Variants in RSRP1 observed in about 807,000 individuals in gnomAD.
RSRP1 encodes arginine and serine rich protein 1, also known as arginine/serine-rich protein 1.
In RSRP1, 37 loss-of-function variants were observed where a neutral mutation model predicts 33.0. The ratio of observed to expected loss-of-function variants is 1.12; its 90% CI spans 0.86 to 1.48. RSRP1 has a LOEUF of 1.48. Ranked by LOEUF, RSRP1 falls within the 40% of genes most tolerant of loss-of-function variation. RSRP1 has a pLI of 0.00. For missense variants in RSRP1, 402 were observed against 385.3 expected (o/e 1.04, Z -0.36); for synonymous variants, 167 against 158.7 (o/e 1.05, Z -0.40).
At position 25,321,823 on chromosome 1, in the gene RSRP1, G is replaced by A. The variant is rs552572749; in HGVS notation, c.-67+16155C>T. Reference sequence around the variant, plus strand: ...CTGTCGTTTTGACACACAATATTTCGATTAATCTTGAGATTAAAAATCCTG... The same window carrying A: ...CTGTCGTTTTGACACACAATATTTCAATTAATCTTGAGATTAAAAATCCTG... On this transcript the variant is annotated intron_variant, in intron 1 of 1. Transcript: ENST00000561867. 1.8e-5 allele frequency: 15 copies of A among 839,824 alleles called. 2 individuals are homozygous for A. The highest frequency in any genetic ancestry group is 5.9e-5 in the Admixed American group (3 of 50,908). 52.0% of individuals were successfully genotyped at this position (839,824 alleles called of 1,614,324 possible). A position where few individuals can be genotyped will look rare whatever the true frequency, so the allele number is the denominator to read the frequency against.
In RSRP1 at chr1:25,270,142, A is replaced by G. The variant is rs1404845517; in HGVS notation, c.-66-23113T>C. On this transcript the variant is annotated intron_variant, in intron 1 of 1. Coordinates refer to the RSRP1 transcript ENST00000561867. ...TTATAAGAAGTACTGACTGCCAGAAATAGAGCAGAAATGAGAACCAGGAGG... is the reference window on the plus strand; with the variant it reads ...TTATAAGAAGTACTGACTGCCAGAAGTAGAGCAGAAATGAGAACCAGGAGG... Among the ~76,000 whole-genome samples the G allele has an allele frequency of 1.5e-5, 2 of 132,104 alleles. 1 individual carries two copies. Among genetic ancestry groups the G allele is most frequent in the Non-Finnish European group, 3.6e-5 (2 of 55,718 alleles). 86.7% of individuals were successfully genotyped at this position (132,104 alleles called of 152,430 possible).
At chr1:25,302,537 G>T (rs1643469043) in intron 1 of RSRP1, among the ~76,000 whole-genome samples, 1 of 129,954 alleles carries the variant, frequency 7.7e-6, no homozygotes, top group South Asian at 2.4e-4. Flanking sequence ...GTCAACTCAG[G>T]GAAGCCCAGA....
rs935092237 is a variant in RSRP1, at chr1:25,303,486, C to G, written c.-67+34492G>C. The G allele has an allele frequency of 3.6e-6, 5 of 1,378,232 alleles. 1 individual carries two copies. The highest frequency in any genetic ancestry group is 5.1e-6 in the Non-Finnish European group (5 of 978,224). The allele number at this position is 1,378,232 out of a possible 1,614,324, so 85.4% of individuals were successfully genotyped here. A position where few individuals can be genotyped will look rare whatever the true frequency, so the allele number is the denominator to read the frequency against. ...TAAGAAACTAGACAACTAACCTCCT[C>G]TGCTTTGGCTGAAGGCCAGCAGGAC... On this transcript the variant is annotated intron_variant, in intron 1 of 1. Coordinates refer to the RSRP1 transcript ENST00000561867.
intron 1 of RSRP1, among the ~76,000 whole-genome samples, chr1:25,254,434 T>TTTTTGTTTTGTTTTGTTTTG (rs75396535): frequency 9.9e-5 from 15 of 150,826 alleles, no homozygotes; most frequent in African/African-American, 3.4e-4. Flanking sequence ...TATGAATAGG[T>TTTTTGTTTTGTTTTGTTTTG]TTTTGTTTTG....
intron 1 of RSRP1, among the ~76,000 whole-genome samples, chr1:25,320,961 T>C (rs1184661767): frequency 7.6e-6 from 1 of 131,138 alleles, no homozygotes; most frequent in Non-Finnish European, 1.8e-5. Context: ...GGAGGGTTGC[T>C]TGACCCCGGG....
rs2124081816 is a variant in RSRP1 at position 25,315,215 on chromosome 1, A to C, written c.-67+22763T>G. Among the ~76,000 whole-genome samples, 2 of 129,948 alleles carry C rather than the reference A, an allele frequency of 1.5e-5. 1 individual carries two copies. The highest frequency in any genetic ancestry group is 4.7e-4 in the South Asian group (2 of 4,280). The allele number at this position is 129,948 out of a possible 152,430, so 85.3% of individuals were successfully genotyped here. A position where few individuals can be genotyped will look rare whatever the true frequency, so the allele number is the denominator to read the frequency against. On this transcript the variant is annotated intron_variant, in intron 1 of 1. Transcript: ENST00000561867. ...CCCCCTGATTTTTTTCCTAAAAATCACTTATTATTAGATCAATGAATTGAG... is the reference window on the plus strand; with the variant it reads ...CCCCCTGATTTTTTTCCTAAAAATCCCTTATTATTAGATCAATGAATTGAG...
chr1:25,290,928 G>C, intron 1 of RSRP1: 1 of 947,984 alleles, frequency 1.1e-6, no homozygotes. Flanking sequence ...AAGATCACTT[G>C]AGGCCAGGAG....
upstream of RSRP1, among the ~76,000 whole-genome samples, chr1:25,250,352 A>T (rs113585414): frequency 7.2e-5 from 11 of 152,214 alleles, 3 homozygotes; most frequent in African/African-American, 2.6e-4. Context: ...CCTTAGGGGG[A>T]TAAAGAGGGC....
upstream of RSRP1, chr1:25,247,669 C>G (rs951198062): frequency 6.6e-6 from 1 of 152,264 alleles, no homozygotes; most frequent in Admixed American, 6.5e-5. Context: ...CAGGGTGTCC[C>G]GTTGCCCTTG....
intron 1 of RSRP1, among the ~76,000 whole-genome samples, chr1:25,300,536 G>T (rs1209771798): frequency 7.9e-6 from 1 of 126,784 alleles, no homozygotes; most frequent in Non-Finnish European, 1.8e-5. Flanking sequence ...AAGGCCAGGC[G>T]CAGTGGCTCA....
intron 1 of RSRP1, among the ~76,000 whole-genome samples, chr1:25,296,692 T>A (rs1356036936): frequency 2.3e-5 from 3 of 128,652 alleles, no homozygotes; most frequent in African/African-American, 7.9e-5. Context: ...TGACAGTGAG[T>A]GGGTTTTCAG....
At chr1:25,252,363 G>T (rs1639813332), upstream of RSRP1, among the ~76,000 whole-genome samples, 1 of 151,862 alleles carries the variant, frequency 6.6e-6, no homozygotes, top group Non-Finnish European at 1.5e-5. Flanking sequence ...GGTGCATTGA[G>T]CAAATAGCAG....
chr1:25,312,884 C>G (rs1167484022), intron 1 of RSRP1, among the ~76,000 whole-genome samples: 1 of 84,850 alleles, frequency 1.2e-5, no homozygotes, highest in African/African-American at 3.9e-5. Flanking sequence ...CATGCCACTG[C>G]ATTCCAGCCT....
intron 1 of RSRP1, among the ~76,000 whole-genome samples, chr1:25,290,374 G>C (rs959988254): frequency 2.8e-5 from 3 of 107,974 alleles, no homozygotes; most frequent in South Asian, 2.9e-4. Context: ...ATGCCTCATA[G>C]ATGAAGGCAC....
Position 25,246,830 on chromosome 1 carries a change from G to A in RSRP1, c.134C>T (p.Ser45Phe), listed in dbSNP as rs1200059193. The A allele has an allele frequency of 1.2e-6, 2 of 1,613,152 alleles. No individual in the cohort carries two copies. Among genetic ancestry groups the A allele is most frequent in the Non-Finnish European group, 8.5e-7 (1 of 1,179,732 alleles). The change falls in exon 2 of 5, where the codon TCC becomes TTC. Residue 45 changes from serine (S) to phenylalanine (F), a missense_variant. Ser to Phe is a radical substitution (Grantham distance 155). Coordinates refer to ENST00000243189, the MANE Select transcript of RSRP1 (RefSeq NM_020317.5). ...AAACCGGCTCGAGACGCGGGAATGG[G>A]ACCGAGAGCTTCTGGAAAAAGAGCG... ...RSRSFSRSSR[S>F]HSRVSSRFSS...
At chr1:25,246,318 C>T (rs1639386264) in intron 2 of RSRP1, 126 bp downstream of exon 2, 1 of 1,429,542 alleles carries the variant, frequency 7.0e-7, no homozygotes, top group Non-Finnish European at 9.5e-7. Context: ...CTCCCTCTTT[C>T]CTCCAAAAAG....
chr1:25,260,442 C>T (rs1313787201), intron 1 of RSRP1, among the ~76,000 whole-genome samples: 1 of 151,686 alleles, frequency 6.6e-6, no homozygotes, highest in Non-Finnish European at 1.5e-5. Context: ...TTTTTTTTTC[C>T]CTACACAGCA....
Position 25,274,622 on chromosome 1 carries a change from C to T in RSRP1, c.-66-27593G>A, listed in dbSNP as rs1466997640. Among the ~76,000 whole-genome samples the T allele has an allele frequency of 1.1e-4, 15 of 133,458 alleles. 1 individual carries two copies. Among genetic ancestry groups the T allele is most frequent in the African/African-American group, 3.8e-4 (15 of 39,212 alleles). 87.6% of individuals were successfully genotyped at this position (133,458 alleles called of 152,430 possible). ...TACCTGTGGGACAAAGGAGGGTCAT[C>T]CAAGTGAGGGCACAGTGGGTGCCAT... On this transcript the variant is annotated intron_variant, in intron 1 of 1. Transcript: ENST00000561867.
intron 1 of RSRP1, among the ~76,000 whole-genome samples, chr1:25,320,442 T>G (rs3927482): frequency 0.22 from 29,109 of 130,858 alleles, 8,113 homozygotes; most frequent in Admixed American, 0.29. Context: ...TCTGGAAAAT[T>G]CATGCAGGCG....
Sources: allele counts gnomAD v4.1 joint callset (sites outside exome capture counted in the v4.1 genomes callset), GRCh38; gene constraint gnomAD v4.1.1; transcripts MANE v1.5; gene names NCBI Gene and HGNC (gene_info 2026-07-23, HGNC 2026-07-21).